Variants in EIPR1 observed in about 807,000 individuals in gnomAD.
EIPR1 encodes the protein EARP and GARP complex-interacting protein 1.
In EIPR1, 25 loss-of-function variants were observed where a neutral mutation model predicts 48.1. That is an observed-to-expected ratio of 0.52 (90% CI 0.38 to 0.73). The LOEUF is 0.73. EIPR1 is among the 30% of genes least tolerant of loss of function. EIPR1 has a pLI of 0.00. For missense variants in EIPR1, 415 were observed against 506.2 expected (o/e 0.82, Z 1.73); for synonymous variants, 204 against 201.9 (o/e 1.01, Z -0.09).
chr2:3,290,493 A>T (rs1668333655), intron 3 of EIPR1, among the ~76,000 whole-genome samples: 1 of 152,004 alleles, frequency 6.6e-6, no homozygotes, highest in Admixed American at 6.5e-5. Flanking sequence ...CTTCTCCCTG[A>T]AGAAGTGGTG....
intron 4 of EIPR1, among the ~76,000 whole-genome samples, chr2:3,218,547 G>A (rs962345537): frequency 3.4e-5 from 5 of 147,180 alleles, no homozygotes; most frequent in South Asian, 2.2e-4. Context: ...CACTCAACAC[G>A]ACCCTGGTAT....
chr2:3,371,155 G>C (rs567790849), intron 1 of EIPR1, among the ~76,000 whole-genome samples: 1 of 152,254 alleles, frequency 6.6e-6, no homozygotes, highest in Admixed American at 6.5e-5. Context: ...ATAAGTGAAG[G>C]AGAAATAAAA....
chr2:3,202,962 G>GT (rs1484037227), intron 5 of EIPR1, among the ~76,000 whole-genome samples: 1 of 152,214 alleles, frequency 6.6e-6, no homozygotes, highest in African/African-American at 2.4e-5. Flanking sequence ...AGCAGATGTG[G>GT]TTTTTGTTCT....
At chr2:3,299,624 TCA>T (rs3064647) in intron 3 of EIPR1, among the ~76,000 whole-genome samples, 2,581 of 136,648 alleles carry the variant, frequency 0.019, 34 homozygotes, top group East Asian at 0.048. Flanking sequence ...TCTCTCTCTC[TCA>T]CACACACACA....
chr2:3,225,222 A>G (rs57923025), intron 4 of EIPR1, among the ~76,000 whole-genome samples: 5,873 of 137,000 alleles, frequency 0.043, 145 homozygotes, highest in South Asian at 0.081. Flanking sequence ...ACACTGTGAT[A>G]TGTGTGTGTG....
chr2:3,243,249 A>G (rs888473127), intron 4 of EIPR1, among the ~76,000 whole-genome samples: 3 of 152,130 alleles, frequency 2.0e-5, no homozygotes, highest in African/African-American at 7.2e-5. Flanking sequence ...TTTTTTGTGG[A>G]GACTGACATC....
intron 5 of EIPR1, among the ~76,000 whole-genome samples, chr2:3,212,015 T>C (rs1665474156): frequency 6.6e-6 from 1 of 152,124 alleles, no homozygotes; most frequent in South Asian, 2.1e-4. Flanking sequence ...GCAGTGAGCA[T>C]GAGATTAGAT....
At chr2:3,218,437 C>T (rs560089651) in intron 4 of EIPR1, among the ~76,000 whole-genome samples, 10 of 149,746 alleles carry the variant, frequency 6.7e-5, no homozygotes, top group African/African-American at 2.2e-4. Flanking sequence ...GGTGCACACC[C>T]AACACGGCCC....
chr2:3,291,611 T>G (rs1177125018), intron 3 of EIPR1, among the ~76,000 whole-genome samples: 1 of 152,218 alleles, frequency 6.6e-6, no homozygotes, highest in Non-Finnish European at 1.5e-5. Context: ...CATCCATTTG[T>G]CTTGAGTAGG....
At chr2:3,219,879 AC>A (rs1443425666) in intron 4 of EIPR1, among the ~76,000 whole-genome samples, 1 of 152,106 alleles carries the variant, frequency 6.6e-6, no homozygotes, top group Non-Finnish European at 1.5e-5. Context: ...GGAGTTCCCA[AC>A]CCCCAGACTG....
chr2:3,270,294 C>G (rs1453754460), intron 3 of EIPR1, among the ~76,000 whole-genome samples: 1 of 152,192 alleles, frequency 6.6e-6, no homozygotes, highest in African/African-American at 2.4e-5. Flanking sequence ...AGACCTGCTC[C>G]ATGGATGCCA....
chr2:3,287,437 ATCCAGAAAGCGCGTTCACCACAC>A (rs1668229603), intron 3 of EIPR1, among the ~76,000 whole-genome samples: 2 of 119,278 alleles, frequency 1.7e-5, no homozygotes, highest in South Asian at 2.7e-4. Context: ...CTCGTTCACA[ATCCAGAAAGCGCGTTCACCACAC>A]TCCAGAAAGC....
chr2:3,199,067 CCCCCG>C (rs765228285), intron 5 of EIPR1, among the ~76,000 whole-genome samples: 1,949 of 55,238 alleles, frequency 0.035, 734 homozygotes, highest in Non-Finnish European at 0.05. Context: ...GAGGGCCCCC[CCCCCG>C]CCCCGGGAAT....
At chr2:3,246,913 G>A in intron 4 of EIPR1, among the ~76,000 whole-genome samples, 1 of 96,288 alleles carries the variant, frequency 1.0e-5, no homozygotes, top group South Asian at 4.7e-4. Context: ...GGGAGAGAGG[G>A]AGGGAGAGAG....
chr2:3,296,047 A>T, intron 3 of EIPR1, among the ~76,000 whole-genome samples: 1 of 65,584 alleles, frequency 1.5e-5, no homozygotes, highest in Admixed American at 2.1e-4. Flanking sequence ...ACTCACACAC[A>T]CCCTCCATGC....
chr2:3,316,751 GA>G (rs1669314313), intron 3 of EIPR1, among the ~76,000 whole-genome samples: 1 of 152,256 alleles, frequency 6.6e-6, no homozygotes, highest in Non-Finnish European at 1.5e-5. Context: ...GTTGGCTGCA[GA>G]ACAGACGCTA....
At chr2:3,260,690 T>C (rs2103225350) in intron 3 of EIPR1, among the ~76,000 whole-genome samples, 1 of 152,288 alleles carries the variant, frequency 6.6e-6, no homozygotes, top group South Asian at 2.1e-4. Flanking sequence ...ACAACCCAAT[T>C]TTTTTAAATG....
chr2:3,354,503 G>C (rs781396103), intron 2 of EIPR1, 47 bp downstream of exon 2: 16 of 1,552,646 alleles, frequency 1.0e-5, no homozygotes, highest in Non-Finnish European at 1.3e-5. Flanking sequence ...ATAAAACTAA[G>C]AATAGGCTTA....
intron 4 of EIPR1, among the ~76,000 whole-genome samples, chr2:3,251,228 G>GC (rs1666992916): frequency 6.6e-6 from 1 of 152,182 alleles, no homozygotes; most frequent in African/African-American, 2.4e-5. Flanking sequence ...CTGCGGCCGT[G>GC]CCCTCTGTAA....
Sources: allele counts gnomAD v4.1 joint callset (sites outside exome capture counted in the v4.1 genomes callset), GRCh38; gene constraint gnomAD v4.1.1; transcripts MANE v1.5; gene names NCBI Gene and HGNC (gene_info 2026-07-23, HGNC 2026-07-21).